The following UBA5 variants were observed in gnomAD, a reference collection of about 807,000 sequenced individuals.
UBA5 encodes the protein ubiquitin like modifier activating enzyme 5.
In UBA5, 28 loss-of-function variants were observed where a neutral mutation model predicts 52.9. The ratio of observed to expected loss-of-function variants is 0.53; its 90% CI spans 0.39 to 0.73. The LOEUF is 0.73. Among genes scored for constraint, UBA5 ranks in the 30% least tolerant of loss-of-function variants. The pLI is 0.00. For synonymous variants in UBA5, 135 were observed against 162.1 expected (o/e 0.83, Z 1.27); for missense variants, 388 against 492.7 (o/e 0.79, Z 2.01).
At chr3:132,658,371 C>A (rs1445400638), upstream of UBA5, among the ~76,000 whole-genome samples, 1 of 152,172 alleles carries the variant, frequency 6.6e-6, no homozygotes, top group Non-Finnish European at 1.5e-5. Flanking sequence ...AACTAATTTA[C>A]AACTAATTTC....
chr3:132,675,782 A>C, intron 10 of UBA5, 35 bp from the exon 11 acceptor site: 4 of 1,567,404 alleles, frequency 2.6e-6, no homozygotes, highest in Non-Finnish European at 3.5e-6. Context: ...TGCTTATTAA[A>C]TTCCTTAAAA....
chr3:132,670,872 T>A, intron 5 of UBA5, 93 bp from the exon 6 acceptor site: 1 of 753,292 alleles, frequency 1.3e-6, no homozygotes, highest in Non-Finnish European at 2.2e-6. Context: ...AAACATTTAA[T>A]GAAAGAATAA....
At chr3:132,660,252 G>A (rs889247870), upstream of UBA5, 10 of 549,036 alleles carry the variant, frequency 1.8e-5, no homozygotes, top group Admixed American at 1.9e-4. This position sits in a 1 kb window ranked among gnomAD's most constrained non-coding sequence, Gnocchi z 4.1. Flanking sequence ...GTGCTGCTGC[G>A]GCCGGGTTTA....
rs1270481440 is a variant in UBA5 at position 132,660,571 on chromosome 3, G to C, written c.34G>C (p.Val12Leu). 12 of 1,550,716 alleles carry C rather than the reference G, an allele frequency of 7.7e-6. No individual in the cohort carries two copies. Among genetic ancestry groups the C allele is most frequent in the Non-Finnish European group, 1.0e-5 (12 of 1,147,534 alleles). The change falls in exon 1 of 12, where the codon GTC (valine) becomes CTC (leucine). Residue 12 changes from valine (V) to leucine (L), a missense_variant. Val to Leu is a conservative substitution (Grantham distance 32, BLOSUM62 1). This residue lies in a region of UBA5 where 95 missense variants were observed against 107.0 expected (regional missense o/e 0.89). Coordinates refer to ENST00000356232, the MANE Select transcript of UBA5 (RefSeq NM_024818.6). The surrounding 1 kb of genome is among the most constrained non-coding windows in gnomAD (Gnocchi z 4.1). ...AESVERLQQR[V>L]QELERELAQE... ...GTCTGTGGAGCGCCTGCAGCAGCGG[G>C]TCCAGGAGCTGGAGCGGGAACTTGC...
chr3:132,656,127 C>T (rs544684692), upstream of UBA5, among the ~76,000 whole-genome samples: 3 of 152,188 alleles, frequency 2.0e-5, no homozygotes, highest in African/African-American at 4.8e-5. Flanking sequence ...AATTTCTTCA[C>T]GTTTTTCATT....
At position 132,676,446 on chromosome 3, in the gene UBA5, G is replaced by C; in HGVS notation, c.1135G>C (p.Glu379Gln). The C allele has an allele frequency of 1.9e-6, 3 of 1,604,890 alleles. No homozygotes were observed. Residue 379 changes from glutamate (E) to glutamine (Q), a missense_variant, in exon 12 of 12, where the codon GAA becomes CAA. Glu to Gln is a conservative substitution (Grantham distance 29). Around this residue, in one of 3 missense-constraint regions of UBA5, gnomAD observed 277 missense variants for 326.4 expected, o/e 0.85. Transcript: ENST00000356232. The surrounding 1 kb of genome is among the most constrained non-coding windows in gnomAD (Gnocchi z 4.1). ...TATTTCCCTTATTTGTCAATAGCAA[G>C]AAGATTCTGTCACTGAGTTAACAGT... ...TVAYTIPKKQ[E>Q]DSVTELTVED...
rs1039250036 is a variant in UBA5, at chr3:132,679,140, T to C, written c.*2614T>C. 2.0e-5 allele frequency among the ~76,000 whole-genome samples: 3 copies of C among 151,802 alleles called. No homozygotes were observed. The highest frequency in any genetic ancestry group is 7.3e-5 in the African/African-American group (3 of 41,344). On this transcript the variant is annotated 3_prime_UTR_variant, in exon 12 of 12. Coordinates refer to ENST00000356232, the MANE Select transcript of UBA5 (RefSeq NM_024818.6). ...AAAATTAGCCGGGCGTGGTGGTGCG[T>C]GACTGTAATCCCAGCTACTTAGGAG...
At position 132,677,220 on chromosome 3, in the gene UBA5, T is replaced by C. The variant is rs1938875983; in HGVS notation, c.*694T>C. On this transcript the variant is annotated 3_prime_UTR_variant, in exon 12 of 12. Transcript: ENST00000356232. ...TTGATTTCAGGAAGTATAAATTATATTCTGCACCGAACAAGGAACAGAAAT... is the reference window on the plus strand; with the variant it reads ...TTGATTTCAGGAAGTATAAATTATACTCTGCACCGAACAAGGAACAGAAAT... 5.3e-6 allele frequency: 1 copy of C among 190,386 alleles called. No individual in the cohort carries two copies. The highest frequency in any genetic ancestry group is 2.3e-5 in the African/African-American group (1 of 42,844). The allele number at this position is 190,386 out of a possible 1,614,324, so 11.8% of individuals were successfully genotyped here. A position where few individuals can be genotyped will look rare whatever the true frequency, so the allele number is the denominator to read the frequency against.
chr3:132,675,825 C>T lies in UBA5; in HGVS notation c.1033C>T (p.Leu345=). Residue 345 remains leucine (L), a synonymous_variant, in exon 11 of 12, where the codon CTG becomes TTG. Coordinates refer to ENST00000356232, the MANE Select transcript of UBA5 (RefSeq NM_024818.6). Reference sequence around the variant, plus strand: ...TAGGATCAAATTTACAGGTATTGAGCTGGTATCTGAGGTTTCAGAAGAGGA... The same window carrying T: ...TAGGATCAAATTTACAGGTATTGAGTTGGTATCTGAGGTTTCAGAAGAGGA... ...IHEDNEWGIE[L]VSEVSEEELK... 6.2e-7 allele frequency: 1 copy of T among 1,609,336 alleles called. No individual in the cohort carries two copies. The highest frequency in any genetic ancestry group is 1.1e-5 in the South Asian group (1 of 90,230).
intron 8 of UBA5, among the ~76,000 whole-genome samples, chr3:132,672,606 A>G (rs1028187663): frequency 6.6e-6 from 1 of 152,206 alleles, no homozygotes; most frequent in African/African-American, 2.4e-5. Context: ...CTTACCAAAA[A>G]TAAACCAATG....
upstream of UBA5, chr3:132,660,189 C>G (rs1938067109): frequency 2.4e-6 from 1 of 410,310 alleles, no homozygotes; most frequent in Non-Finnish European, 4.4e-6. The surrounding 1 kb of genome is among the most constrained non-coding windows in gnomAD (Gnocchi z 4.1). Context: ...TCTTAGATAC[C>G]CGGTTAGCAA....
chr3:132,668,909 C>G lies in UBA5; in HGVS notation c.389C>G (p.Ala130Gly). The G allele has an allele frequency of 5.0e-6, 8 of 1,607,668 alleles. No homozygotes were observed. The highest frequency in any genetic ancestry group is 6.8e-6 in the Non-Finnish European group (8 of 1,176,978). Residue 130 changes from alanine (A) to glycine (G), a missense_variant, in exon 4 of 12, where the codon GCA (alanine) becomes GGA (glycine). Transcript: ENST00000356232. Reference sequence around the variant, plus strand: ...CAAGCAGGATTAAGTAAAGTTCAAGCAGCAGAACATACTCTGAGGTAAATG... The same window carrying G: ...CAAGCAGGATTAAGTAAAGTTCAAGGAGCAGAACATACTCTGAGGTAAATG... Reference protein sequence around the residue: ...PHQAGLSKVQAAEHTLRNINP... With the variant: ...PHQAGLSKVQGAEHTLRNINP...
intron 8 of UBA5, among the ~76,000 whole-genome samples, 177 bp downstream of exon 8, chr3:132,672,354 T>C (rs1198693534): frequency 7.7e-5 from 11 of 141,964 alleles, no homozygotes; most frequent in African/African-American, 3.3e-4. Context: ...ATTTTATATA[T>C]GTATGTCTAC....
upstream of UBA5, chr3:132,659,894 G>A (rs1285321267): frequency 1.9e-6 from 2 of 1,029,090 alleles, no homozygotes; most frequent in Non-Finnish European, 2.7e-6. Flanking sequence ...CAGCCTACGC[G>A]CCGTTGCTGA....
Position 132,678,976 on chromosome 3 carries a change from A to G in UBA5, c.*2450A>G, listed in dbSNP as rs1182979188. On this transcript the variant is annotated 3_prime_UTR_variant, in exon 12 of 12. Coordinates refer to ENST00000356232, the MANE Select transcript of UBA5 (RefSeq NM_024818.6). ...AGAATATTTACTAAAGGAAGCTTTG[A>G]CCCCTGCATCACATTTTTTTCATAT... Among the ~76,000 whole-genome samples the G allele has an allele frequency of 6.6e-6, 1 of 151,598 alleles. No individual in the cohort carries two copies. Among genetic ancestry groups the G allele is most frequent in the Admixed American group, 6.6e-5 (1 of 15,222 alleles).
upstream of UBA5, among the ~76,000 whole-genome samples, chr3:132,657,547 T>C (rs998923760): frequency 1.3e-5 from 2 of 152,250 alleles, no homozygotes; most frequent in Non-Finnish European, 2.9e-5. Flanking sequence ...TGAATATTCC[T>C]ATTCAACAAC....
At chr3:132,659,823 A>G (rs1938038628), upstream of UBA5, 1 of 1,509,682 alleles carries the variant, frequency 6.6e-7, no homozygotes, top group African/African-American at 1.4e-5. Context: ...GGATTGGGGC[A>G]ACGTCCCCTC....
At chr3:132,658,780 A>G (rs1050581768), upstream of UBA5, among the ~76,000 whole-genome samples, 5 of 152,184 alleles carry the variant, frequency 3.3e-5, no homozygotes, top group African/African-American at 1.2e-4. Context: ...GTGATAAAAT[A>G]CCACTAGCAC....
At chr3:132,665,592 G>A (rs1938343987) in intron 1 of UBA5, 1 of 489,186 alleles carries the variant, frequency 2.0e-6, no homozygotes, top group African/African-American at 1.9e-5. Context: ...AGAATACATA[G>A]CTTTTAAAAA....
Sources: gnomAD v4.1 joint callset for allele counts (sites outside exome capture counted in the v4.1 genomes callset) on GRCh38, gnomAD v4.1.1 for gene constraint, gnomAD v4.1.1 regional missense constraint, Gnocchi (gnomAD v3.1) non-coding constraint, MANE v1.5 for transcripts, NCBI Gene and HGNC (gene_info 2026-07-23, HGNC 2026-07-21) for gene names.